The following WDFY3 variants were observed in gnomAD, a reference collection of about 807,000 sequenced individuals.
The protein encoded by WDFY3 is WD repeat and FYVE domain containing 3.
In WDFY3, 66 loss-of-function variants were observed where a neutral mutation model predicts 409.6. That is an observed-to-expected ratio of 0.16 (90% CI 0.13 to 0.20). The LOEUF is 0.20. Among genes scored for constraint, WDFY3 ranks in the 10% least tolerant of loss-of-function variants. The probability of loss-of-function intolerance (pLI) is 1.00; values close to 1 mark genes in which losing one functional copy is unlikely to be tolerated. For synonymous variants in WDFY3, 1,521 were observed against 1,537.1 expected (o/e 0.99, Z 0.25); for missense variants, 3,031 against 4,298.1 (o/e 0.71, Z 8.24).
In WDFY3 at chr4:84,796,689, T is replaced by C; in HGVS notation, c.2999A>G (p.Asn1000Ser). 1 of 1,614,120 alleles carries C rather than the reference T, an allele frequency of 6.2e-7. No homozygotes were observed. Among genetic ancestry groups the C allele is most frequent in the Non-Finnish European group, 8.5e-7 (1 of 1,180,010 alleles). Residue 1000 changes from asparagine (N) to serine (S), a missense_variant, in exon 19 of 68, where the codon AAC becomes AGC. This residue lies in a region of WDFY3 where 1,322 missense variants were observed against 1,697.9 expected (regional missense o/e 0.78). Transcript: ENST00000295888. ...CAGGCTCTTGCTTATCCGGTAATGG[T>C]TATCTTCATGTAAGCTAAAAACATT... ...TDNVFSLHED[N>S]HYRISKSLVK...
At chr4:84,691,231 G>GT (rs1443932460) in intron 60 of WDFY3, among the ~76,000 whole-genome samples, 1 of 152,070 alleles carries the variant, frequency 6.6e-6, no homozygotes, top group East Asian at 1.9e-4. Flanking sequence ...GGAGCAACAG[G>GT]TTTTCTGCCA....
intron 8 of WDFY3, among the ~76,000 whole-genome samples, chr4:84,830,312 T>C (rs1445378058): frequency 6.6e-6 from 1 of 152,190 alleles, no homozygotes; most frequent in Non-Finnish European, 1.5e-5. Context: ...CATATAAGCA[T>C]TGTTTTCCAC....
chr4:84,720,292 A>T (rs1734636414), intron 47 of WDFY3, among the ~76,000 whole-genome samples: 1 of 152,228 alleles, frequency 6.6e-6, no homozygotes, highest in South Asian at 2.1e-4. Context: ...AAGCCTGAGT[A>T]GCAAAAGAGT....
chr4:84,886,751 A>C (rs1764287744), intron 3 of WDFY3, among the ~76,000 whole-genome samples: 1 of 152,224 alleles, frequency 6.6e-6, no homozygotes. Flanking sequence ...AATAAGTCTG[A>C]GTCTCTTCCA....
intron 1 of WDFY3, among the ~76,000 whole-genome samples, chr4:84,948,546 TAGA>T (rs1187927153): frequency 6.6e-6 from 1 of 152,232 alleles, no homozygotes. Flanking sequence ...GGACTTGTGA[TAGA>T]AGATGTTTTT....
chr4:84,917,131 G>A (rs1010932975), intron 2 of WDFY3, among the ~76,000 whole-genome samples: 1 of 152,116 alleles, frequency 6.6e-6, no homozygotes, highest in African/African-American at 2.4e-5. Flanking sequence ...GCATCAATCG[G>A]CGCCAAGCCC....
At chr4:84,904,937 G>GAGACCAGC (rs1172791302) in intron 2 of WDFY3, among the ~76,000 whole-genome samples, 1 of 151,926 alleles carries the variant, frequency 6.6e-6, no homozygotes, top group Admixed American at 6.6e-5. Context: ...TCAGGAGTTC[G>GAGACCAGC]CACATTGGTG....
intron 19 of WDFY3, among the ~76,000 whole-genome samples, chr4:84,795,326 G>A (rs1749208563): frequency 6.6e-6 from 1 of 152,118 alleles, no homozygotes; most frequent in African/African-American, 2.4e-5. Context: ...TCACTCTCTT[G>A]TTACCACTGA....
chr4:84,845,566 T>A (rs997212963), intron 5 of WDFY3, among the ~76,000 whole-genome samples: 2 of 151,988 alleles, frequency 1.3e-5, no homozygotes, highest in African/African-American at 4.8e-5. Flanking sequence ...AGAGGGTAGA[T>A]CCCATATTAA....
chr4:84,821,468 T>G lies in WDFY3; in HGVS notation c.1207A>C (p.Ile403Leu). The change falls in exon 11 of 68, where the codon ATC becomes CTC. Residue 403 changes from isoleucine to leucine, a missense_variant. Around this residue, in one of 16 missense-constraint regions of WDFY3, gnomAD observed 1,322 missense variants for 1,697.9 expected, o/e 0.78. Transcript: ENST00000295888. ...KAKTSFLAQI[I>L]LDAITNIYMA... ...TAAATATTTGTGATAGCATCAAGGA[T>G]GATTTGGGCAAGGAAGCTGGTTTTT... 6.2e-7 allele frequency: 1 copy of G among 1,613,854 alleles called. No individual in the cohort carries two copies. The highest frequency in any genetic ancestry group is 8.5e-7 in the Non-Finnish European group (1 of 1,179,824).
intron 2 of WDFY3, among the ~76,000 whole-genome samples, chr4:84,911,502 G>A (rs574454247): frequency 6.6e-6 from 1 of 151,904 alleles, no homozygotes; most frequent in South Asian, 2.1e-4. Flanking sequence ...AAAGAAAAAA[G>A]GGCAAAGGAG....
chr4:84,959,246 T>C (rs912833556), intron 1 of WDFY3, among the ~76,000 whole-genome samples: 4 of 152,124 alleles, frequency 2.6e-5, no homozygotes, highest in East Asian at 1.9e-4. Flanking sequence ...TGCAACCCCA[T>C]GTTTTAGCGC....
intron 13 of WDFY3, among the ~76,000 whole-genome samples, 192 bp downstream of exon 13, chr4:84,817,200 A>C (rs1044723545): frequency 6.6e-6 from 1 of 152,204 alleles, no homozygotes; most frequent in Non-Finnish European, 1.5e-5. Flanking sequence ...GTTTATCAGC[A>C]GAAGTAAAAT....
chr4:84,705,624 T>C lies in WDFY3; in HGVS notation c.8218-113A>G, dbSNP rs1274308126. On this transcript the variant is annotated intron_variant, in intron 53 of 67. Transcript: ENST00000295888. ...TGATTTATAAACGCACTAGTATCTG[T>C]GGGGTCAAACTGGTATAACTGGACT... 3.5e-6 allele frequency: 3 copies of C among 853,374 alleles called. No homozygotes were observed. The African/African-American group carries it at 5.0e-5, about 14-fold the overall frequency. The allele number at this position is 853,374 out of a possible 1,614,324, so 52.9% of individuals were successfully genotyped here.
chr4:84,757,932 C>T (rs867443368), intron 32 of WDFY3, among the ~76,000 whole-genome samples: 1 of 152,102 alleles, frequency 6.6e-6, no homozygotes, highest in African/African-American at 2.4e-5. Flanking sequence ...AAATCCAAGC[C>T]CGTTGTGGCT....
At chr4:84,773,753 C>T (rs1374493845) in intron 29 of WDFY3, among the ~76,000 whole-genome samples, 1 of 152,058 alleles carries the variant, frequency 6.6e-6, no homozygotes, top group African/African-American at 2.4e-5. Context: ...GGAGTTTCAC[C>T]CTTGTCACCC....
chr4:84,921,120 A>C (rs1359459389), intron 2 of WDFY3, among the ~76,000 whole-genome samples: 1 of 152,236 alleles, frequency 6.6e-6, no homozygotes, highest in Non-Finnish European at 1.5e-5. Context: ...AGAAGCAAAT[A>C]AGCAAAAATT....
chr4:84,759,376 T>A lies in WDFY3; in HGVS notation c.5189-2215A>T, dbSNP rs1246728192. 3.9e-5 allele frequency among the ~76,000 whole-genome samples: 6 copies of A among 152,194 alleles called. No homozygotes were observed. In the East Asian group the frequency reaches 7.7e-4, roughly 20 times the overall value. ...GTAGCTTGATGGGGATGGCATTGAATCGATAAATTACCTTGGGCAGTATGA... is the reference window on the plus strand; with the variant it reads ...GTAGCTTGATGGGGATGGCATTGAAACGATAAATTACCTTGGGCAGTATGA... On this transcript the variant is annotated intron_variant, in intron 32 of 67. Coordinates refer to ENST00000295888, the MANE Select transcript of WDFY3 (RefSeq NM_014991.6).
In WDFY3 at chr4:84,716,906, T is replaced by C. The variant is rs775234950; in HGVS notation, c.7865A>G (p.Tyr2622Cys). Residue 2622 changes from tyrosine (Y) to cysteine (C), a missense_variant, in exon 49 of 68, where the codon TAT becomes TGT. Around this residue, in one of 16 missense-constraint regions of WDFY3, gnomAD observed 45 missense variants for 121.8 expected, o/e 0.37. Coordinates refer to ENST00000295888, the MANE Select transcript of WDFY3 (RefSeq NM_014991.6). ...ACTAAATTGACTCACCTGCAGGAGA[T>C]ATCTCCTTTTATGAACTTCCTTGAT... ...EDIKEVHKRR[Y>C]LLQPIAVEVF... 2.5e-6 allele frequency: 4 copies of C among 1,593,018 alleles called. No homozygotes were observed. The highest frequency in any genetic ancestry group is 3.4e-6 in the Non-Finnish European group (4 of 1,169,352).
Sources: allele counts gnomAD v4.1 joint callset (sites outside exome capture counted in the v4.1 genomes callset), GRCh38; gene constraint gnomAD v4.1.1; regional missense constraint gnomAD v4.1.1; transcripts MANE v1.5; gene names NCBI Gene and HGNC (gene_info 2026-07-23, HGNC 2026-07-21).